PLCH1: variants seen among roughly 807,000 people sequenced by gnomAD.
PLCH1 encodes the protein 1-phosphatidylinositol 4,5-bisphosphate phosphodiesterase eta-1.
Under a neutral mutation model 126.7 loss-of-function variants are expected in PLCH1, and 60 were observed. That is an observed-to-expected ratio of 0.47 (90% confidence interval 0.38 to 0.59). PLCH1 has a LOEUF of 0.59. PLCH1 is among the 20% of genes least tolerant of loss of function. PLCH1 has a pLI of 0.00. For synonymous variants in PLCH1, 719 were observed against 734.9 expected (o/e 0.98, Z 0.35); for missense variants, 1,723 against 2,040.0 (o/e 0.84, Z 2.99).
intron 2 of PLCH1, among the ~76,000 whole-genome samples, chr3:155,653,031 G>A (rs1452232221): frequency 6.6e-6 from 1 of 152,016 alleles, no homozygotes; most frequent in Non-Finnish European, 1.5e-5. Context: ...ATTTCCACTA[G>A]TCTACAAGAC....
chr3:155,464,344 T>G (rs1296547163), intron 21 of PLCH1, among the ~76,000 whole-genome samples: 1 of 152,150 alleles, frequency 6.6e-6, no homozygotes, highest in Non-Finnish European at 1.5e-5. Context: ...CCACTAAAAA[T>G]TTTTAAGTGG....
intron 1 of PLCH1, among the ~76,000 whole-genome samples, chr3:155,733,973 A>G (rs1201932268): frequency 7.3e-6 from 1 of 136,326 alleles, no homozygotes; most frequent in East Asian, 2.2e-4. Context: ...ATATATATAT[A>G]TATATGCACT....
chr3:155,474,230 GA>G (rs1305758900), intron 21 of PLCH1, among the ~76,000 whole-genome samples: 2 of 147,438 alleles, frequency 1.4e-5, no homozygotes, highest in Non-Finnish European at 3.0e-5. Flanking sequence ...AAATTTACAA[GA>G]AAAAAACAAA....
At chr3:155,697,514 G>A (rs1745915955) in intron 2 of PLCH1, among the ~76,000 whole-genome samples, 1 of 152,178 alleles carries the variant, frequency 6.6e-6, no homozygotes, top group South Asian at 2.1e-4. Flanking sequence ...AATGACTGAA[G>A]AGATTGCTTA....
At chr3:155,562,612 T>C (rs566144917) in intron 8 of PLCH1, among the ~76,000 whole-genome samples, 2 of 152,272 alleles carry the variant, frequency 1.3e-5, no homozygotes, top group African/African-American at 4.8e-5. Context: ...GTAAAGACTG[T>C]TTTTGAAATC....
At chr3:155,472,853 A>G (rs1383689645) in intron 21 of PLCH1, among the ~76,000 whole-genome samples, 2 of 151,914 alleles carry the variant, frequency 1.3e-5, no homozygotes, top group East Asian at 3.9e-4. Flanking sequence ...ATAGATGCAG[A>G]AAAAGCCTTT....
intron 12 of PLCH1, among the ~76,000 whole-genome samples, chr3:155,511,943 C>T (rs1719601738): frequency 6.6e-6 from 1 of 152,042 alleles, no homozygotes; most frequent in Middle Eastern, 3.2e-3. Flanking sequence ...GGGCGCCCCT[C>T]CCCCAGCCTC....
At chr3:155,502,227 C>T (rs1718012990) in intron 13 of PLCH1, among the ~76,000 whole-genome samples, 1 of 152,082 alleles carries the variant, frequency 6.6e-6, no homozygotes, top group African/African-American at 2.4e-5. Context: ...CACTAGCTTC[C>T]TATTGGATCT....
At chr3:155,642,563 T>C (rs1424059766) in intron 2 of PLCH1, among the ~76,000 whole-genome samples, 1 of 152,176 alleles carries the variant, frequency 6.6e-6, no homozygotes, top group Non-Finnish European at 1.5e-5. Context: ...CGCTCTCCAA[T>C]GTGTATGGGC....
intron 10 of PLCH1, among the ~76,000 whole-genome samples, chr3:155,542,164 A>G (rs1576958797): frequency 6.6e-6 from 1 of 152,290 alleles, no homozygotes; most frequent in East Asian, 1.9e-4. Context: ...CACCTGGAAA[A>G]TCGGGTCACT....
chr3:155,597,270 A>G (rs359571), intron 2 of PLCH1, among the ~76,000 whole-genome samples: 4,549 of 152,330 alleles, frequency 0.03, 88 homozygotes, highest in Non-Finnish European at 0.045. Flanking sequence ...AATCCTGAGC[A>G]TATCATTGCT....
chr3:155,520,506 C>A (rs966215268), intron 11 of PLCH1, among the ~76,000 whole-genome samples: 3 of 152,102 alleles, frequency 2.0e-5, no homozygotes, highest in Non-Finnish European at 4.4e-5. Flanking sequence ...TGTTTATGCC[C>A]AAGAAGCTGG....
chr3:155,739,538 T>C (rs1432648926), intron 1 of PLCH1, among the ~76,000 whole-genome samples: 1 of 152,056 alleles, frequency 6.6e-6, no homozygotes. Flanking sequence ...CTAAACTCCA[T>C]GTAGGGAATG....
intron 2 of PLCH1, among the ~76,000 whole-genome samples, chr3:155,693,739 G>A (rs1745587775): frequency 6.6e-6 from 1 of 152,112 alleles, no homozygotes; most frequent in Admixed American, 6.5e-5. Context: ...AGACCAGCCT[G>A]GTCAACATGG....
intron 10 of PLCH1, among the ~76,000 whole-genome samples, chr3:155,541,095 A>G (rs1248401131): frequency 6.6e-6 from 1 of 152,210 alleles, no homozygotes; most frequent in Non-Finnish European, 1.5e-5. Flanking sequence ...GCAGCAACCT[A>G]GATGGAACTG....
chr3:155,467,441 G>C (rs1223277520), intron 21 of PLCH1, among the ~76,000 whole-genome samples: 1 of 151,982 alleles, frequency 6.6e-6, no homozygotes, highest in Admixed American at 6.6e-5. Context: ...GGACGTGGTG[G>C]TGCGCACCTG....
chr3:155,633,166 C>T (rs1216823454), intron 2 of PLCH1, among the ~76,000 whole-genome samples: 1 of 152,000 alleles, frequency 6.6e-6, no homozygotes, highest in Non-Finnish European at 1.5e-5. Context: ...CTACAGCTCC[C>T]ATTGCTGAGG....
chr3:155,586,023 C>G (rs751855231), intron 5 of PLCH1, 42 bp downstream of exon 5: 1 of 1,581,630 alleles, frequency 6.3e-7, no homozygotes, highest in Non-Finnish European at 8.7e-7. Flanking sequence ...TTAATAACCT[C>G]TGTGTATTTT....
At chr3:155,657,775 T>C (rs1201651525) in intron 2 of PLCH1, 1 of 152,140 alleles carries the variant, frequency 6.6e-6, no homozygotes, top group Non-Finnish European at 1.5e-5. Flanking sequence ...AGGTGAAAAC[T>C]TTAAAAGGCT....
Sources: allele counts gnomAD v4.1 joint callset (sites outside exome capture counted in the v4.1 genomes callset), GRCh38; gene constraint gnomAD v4.1.1; transcripts MANE v1.5; gene names NCBI Gene and HGNC (gene_info 2026-07-23, HGNC 2026-07-21).